The following PRKCZ variants were observed in gnomAD, a reference collection of about 807,000 sequenced individuals.
The protein encoded by PRKCZ is protein kinase C zeta type.
A neutral mutation model predicts 79.5 loss-of-function variants in PRKCZ; 33 were observed. The observed-to-expected ratio is 0.41, with a 90% CI of 0.31 to 0.55. The LOEUF (loss-of-function observed/expected upper bound fraction) is 0.55, where lower values mean the gene tolerates loss of function less well. PRKCZ is among the 20% of genes least tolerant of loss of function. The pLI, the probability that PRKCZ is intolerant of heterozygous loss-of-function variation, is 0.19. For synonymous variants in PRKCZ, 342 were observed against 320.9 expected, an observed-to-expected ratio of 1.07 and a Z score of -0.70; for missense variants, 578 against 813.5, an observed-to-expected ratio of 0.71 and a Z score of 3.52.
Position 2,135,489 on chromosome 1 carries a change from T to C in PRKCZ, c.420+142T>C, listed in dbSNP as rs575090504. ...AGGGCAAGGTTACAGAAATGCTTTC[T>C]CTGGTGCAGGATGAGGCTTTGACTA... On this transcript the variant is annotated intron_variant, in intron 5 of 17. Coordinates refer to ENST00000378567, the MANE Select transcript of PRKCZ (RefSeq NM_002744.6). The C allele has an allele frequency of 4.7e-5, 36 of 757,936 alleles. No homozygotes were observed. The African/African-American group carries it at 6.2e-4, about 13-fold the overall frequency. The allele number at this position is 757,936 out of a possible 1,614,324, so 47.0% of individuals were successfully genotyped here. A position where few individuals can be genotyped will look rare whatever the true frequency, so the allele number is the denominator to read the frequency against.
rs1685852374 is a variant in PRKCZ at position 2,178,189 on chromosome 1, C to G, written c.1575+2876C>G. Among the ~76,000 whole-genome samples the G allele has an allele frequency of 6.6e-6, 1 of 152,182 alleles. No individual in the cohort carries two copies. Reference sequence around the variant, plus strand: ...TCATCACCCTGTACCCAGAGAAGACCCGAACCCACTCCAGCCTCTCCCCAC... The same window carrying G: ...TCATCACCCTGTACCCAGAGAAGACGCGAACCCACTCCAGCCTCTCCCCAC... On this transcript the variant is annotated intron_variant, in intron 16 of 17. Coordinates refer to ENST00000378567, the MANE Select transcript of PRKCZ (RefSeq NM_002744.6). This position sits in a 1 kb window ranked among gnomAD's most constrained non-coding sequence, Gnocchi z 4.3.
chr1:2,109,164 A>G (rs934409725), intron 4 of PRKCZ, among the ~76,000 whole-genome samples: 5 of 152,102 alleles, frequency 3.3e-5, no homozygotes, highest in Admixed American at 1.3e-4. Flanking sequence ...AAGGTGACAC[A>G]GTCTTGGGTC....
chr1:2,176,076 G>A (rs1171575079), intron 16 of PRKCZ, among the ~76,000 whole-genome samples: 3 of 152,150 alleles, frequency 2.0e-5, no homozygotes, highest in East Asian at 3.8e-4. Flanking sequence ...AGGGTGCGAC[G>A]TACACTGGCT....
chr1:2,052,245 T>C (rs1488776927), intron 1 of PRKCZ, among the ~76,000 whole-genome samples: 1 of 152,134 alleles, frequency 6.6e-6, no homozygotes, highest in East Asian at 1.9e-4. Context: ...TCGGAGGCAA[T>C]GCCACTGGAG....
Position 2,168,758 on chromosome 1 carries a change from C to T in PRKCZ, c.975-760C>T, listed in dbSNP as rs900121850. The T allele has an allele frequency of 4.3e-5, 8 of 184,964 alleles. No homozygotes were observed. Among genetic ancestry groups the T allele is most frequent in the East Asian group, 3.1e-4 (2 of 6,516 alleles). The allele number at this position is 184,964 out of a possible 1,614,324, so 11.5% of individuals were successfully genotyped here. A position where few individuals can be genotyped will look rare whatever the true frequency, so the allele number is the denominator to read the frequency against. On this transcript the variant is annotated intron_variant, in intron 10 of 17. Coordinates refer to ENST00000378567, the MANE Select transcript of PRKCZ (RefSeq NM_002744.6). This position sits in a 1 kb window ranked among gnomAD's most constrained non-coding sequence, Gnocchi z 4.7. ...GGGGCAGCCAGGAGCAGCCACCAGTCGGAAGCAAATAAACAATTCAGGTGC... is the reference window on the plus strand; with the variant it reads ...GGGGCAGCCAGGAGCAGCCACCAGTTGGAAGCAAATAAACAATTCAGGTGC...
intron 4 of PRKCZ, among the ~76,000 whole-genome samples, chr1:2,090,673 C>T (rs887035797): frequency 1.3e-5 from 2 of 152,196 alleles, no homozygotes; most frequent in African/African-American, 2.4e-5. Context: ...CCCTCCTGCG[C>T]TGCGTGTGTG....
In PRKCZ at chr1:2,177,599, G is replaced by A. The variant is rs933779252; in HGVS notation, c.1575+2286G>A. On this transcript the variant is annotated intron_variant, in intron 16 of 17. Transcript: ENST00000378567. This position sits in a 1 kb window ranked among gnomAD's most constrained non-coding sequence, Gnocchi z 6.4. The stretch of plus-strand genomic sequence containing the variant: ...GTGTGAGTCCAACCCTGCCCGAGCC[G>A]GAACTCAAGGAGACCATGAAGCCAC... 2.6e-5 allele frequency among the ~76,000 whole-genome samples: 4 copies of A among 152,186 alleles called. No homozygotes were observed. The highest frequency in any genetic ancestry group is 6.5e-5 in the Admixed American group (1 of 15,284).
intron 11 of PRKCZ, among the ~76,000 whole-genome samples, chr1:2,171,370 A>AT (rs564778926): frequency 0.015 from 2,021 of 135,176 alleles, 43 homozygotes; most frequent in African/African-American, 0.036. Context: ...GTCATATTTA[A>AT]TTTTTTTTTT....
In PRKCZ at chr1:2,172,085, C is replaced by T; in HGVS notation, c.1092C>T (p.Leu364=). 6.2e-7 allele frequency: 1 copy of T among 1,613,028 alleles called. No homozygotes were observed. Among genetic ancestry groups the T allele is most frequent in the Non-Finnish European group, 8.5e-7 (1 of 1,179,656 alleles). ...RFYAAEICIA[L]NFLHERGIIY... ...ACGCGGCCGAGATCTGCATCGCCCT[C>T]AACTTCCTGCACGAGAGGGGGATCA... is the stretch of plus-strand genomic sequence containing the variant. Residue 364 remains leucine, a synonymous_variant, in exon 12 of 18, where the codon CTC becomes CTT. Coordinates refer to ENST00000378567, the MANE Select transcript of PRKCZ (RefSeq NM_002744.6). The surrounding 1 kb of genome is among the most constrained non-coding windows in gnomAD (Gnocchi z 7.8).
chr1:2,115,753 A>G (rs1670633729), intron 4 of PRKCZ, among the ~76,000 whole-genome samples: 1 of 152,210 alleles, frequency 6.6e-6, no homozygotes, highest in Non-Finnish European at 1.5e-5. Flanking sequence ...TAGAAAGGAC[A>G]GCCACACGGA....
At chr1:2,112,592 C>T (rs1669962477) in intron 4 of PRKCZ, among the ~76,000 whole-genome samples, 1 of 152,122 alleles carries the variant, frequency 6.6e-6, no homozygotes, top group East Asian at 1.9e-4. Context: ...CTCTGGATGC[C>T]TGTAATCATC....
intron 16 of PRKCZ, among the ~76,000 whole-genome samples, chr1:2,180,104 G>A (rs538556369): frequency 1.3e-5 from 2 of 152,306 alleles, no homozygotes; most frequent in African/African-American, 4.8e-5. Context: ...CACTACCCAG[G>A]GCCAACCTGT....
chr1:2,090,269 G>T (rs1665260756), intron 4 of PRKCZ, among the ~76,000 whole-genome samples: 2 of 152,216 alleles, frequency 1.3e-5, no homozygotes, highest in Admixed American at 6.5e-5. Flanking sequence ...GCTGCACCTT[G>T]GCAAGGGGTT....
chr1:2,161,439 T>C (rs1371009413), intron 10 of PRKCZ, among the ~76,000 whole-genome samples: 1 of 152,210 alleles, frequency 6.6e-6, no homozygotes, highest in Non-Finnish European at 1.5e-5. Context: ...CAGCTGCGCA[T>C]GCATCCTCCC....
At chr1:2,074,171 C>T (rs1454987578) in intron 4 of PRKCZ, 1 of 1,549,378 alleles carries the variant, frequency 6.5e-7, no homozygotes, top group African/African-American at 1.4e-5. Flanking sequence ...CAGTGAGAGG[C>T]TGTTGTTTTG....
At chr1:2,080,052 C>T (rs1251233673) in intron 4 of PRKCZ, among the ~76,000 whole-genome samples, 2 of 152,252 alleles carry the variant, frequency 1.3e-5, no homozygotes, top group Non-Finnish European at 2.9e-5. Context: ...GAGCCTCTGA[C>T]TTGGGGCCCT....
chr1:2,072,109 T>A (rs1661651314), intron 4 of PRKCZ, among the ~76,000 whole-genome samples: 1 of 152,230 alleles, frequency 6.6e-6, no homozygotes, highest in Non-Finnish European at 1.5e-5. Flanking sequence ...GTGAAACGCA[T>A]GTGTTAGGTT....
intron 10 of PRKCZ, among the ~76,000 whole-genome samples, chr1:2,157,355 T>C (rs1414129841): frequency 6.6e-6 from 1 of 152,082 alleles, no homozygotes; most frequent in Non-Finnish European, 1.5e-5. Context: ...TAAGGCATCC[T>C]GTTCAGGCAC....
chr1:2,157,115 G>C (rs1167809021), intron 10 of PRKCZ, among the ~76,000 whole-genome samples: 1 of 152,206 alleles, frequency 6.6e-6, no homozygotes, highest in East Asian at 1.9e-4. Context: ...CTAGGAGCAA[G>C]GGGGCCAGAA....
Sources: gnomAD v4.1 joint callset for allele counts (sites outside exome capture counted in the v4.1 genomes callset) on GRCh38, gnomAD v4.1.1 for gene constraint, Gnocchi (gnomAD v3.1) non-coding constraint, MANE v1.5 for transcripts, NCBI Gene and HGNC (gene_info 2026-07-23, HGNC 2026-07-21) for gene names.